Variants in ABL2 observed in about 807,000 individuals in gnomAD.
ABL2 encodes the protein tyrosine-protein kinase ABL2.
Under a neutral mutation model 107.7 loss-of-function variants are expected in ABL2, and 49 were observed. The ratio of observed to expected loss-of-function variants is 0.45; its 90% CI spans 0.36 to 0.58. ABL2 has a LOEUF of 0.58. ABL2 is among the 20% of genes least tolerant of loss of function. The pLI, the probability that ABL2 is intolerant of heterozygous loss-of-function variation, is 0.00. For synonymous variants in ABL2, 549 were observed against 548.6 expected, an observed-to-expected ratio of 1.00 and a Z score of -0.01; for missense variants, 1,245 against 1,457.0, an observed-to-expected ratio of 0.85 and a Z score of 2.37.
intron 3 of ABL2, chr1:179,131,081 CA>C (rs558254639): frequency 1.3e-4 from 37 of 295,294 alleles, no homozygotes; most frequent in African/African-American, 6.2e-4. Context: ...GCTGGGACTA[CA>C]GGCATGGGCT....
chr1:179,158,094 A>G (rs913030203), intron 1 of ABL2, among the ~76,000 whole-genome samples: 1 of 152,240 alleles, frequency 6.6e-6, no homozygotes, highest in Non-Finnish European at 1.5e-5. Flanking sequence ...AGAGTCAAGG[A>G]AAGAATACAA....
chr1:179,112,718 T>A (rs1025736042), intron 9 of ABL2, among the ~76,000 whole-genome samples: 1 of 151,682 alleles, frequency 6.6e-6, no homozygotes, highest in Admixed American at 6.6e-5. Context: ...GCTCCCCAAG[T>A]AGCTGGGACT....
At chr1:179,225,219 C>A (rs1018709831) in intron 1 of ABL2, among the ~76,000 whole-genome samples, 3 of 152,056 alleles carry the variant, frequency 2.0e-5, no homozygotes, top group African/African-American at 7.2e-5. Flanking sequence ...TAAAAAATGA[C>A]CATTTTAGCT....
intron 1 of ABL2, among the ~76,000 whole-genome samples, chr1:179,174,920 A>ATAATAATAAT (rs1553228695): frequency 8.1e-6 from 1 of 122,874 alleles, no homozygotes; most frequent in African/African-American, 3.0e-5. Flanking sequence ...AAAATAAAAA[A>ATAATAATAAT]AATAATAATA....
chr1:179,226,498 G>A (rs371654286), intron 1 of ABL2, among the ~76,000 whole-genome samples: 203 of 151,876 alleles, frequency 1.3e-3, no homozygotes, highest in African/African-American at 4.7e-3. Context: ...TAGTACAGAC[G>A]AGGTTTCACC....
Position 179,133,330 on chromosome 1 carries a change from T to C in ABL2, c.202A>G (p.Thr68Ala). ...CVEDGFEGDK[T>A]GGSSPEALHR... ...CTCTCACCTGGACTACTGCCTCCAG[T>C]CTTGTCTCCCTCAAATCCATCCTCC... Residue 68 changes from threonine to alanine, a missense_variant, in exon 2 of 12, where the codon ACT becomes GCT. This residue lies in a region of ABL2 where 164 missense variants were observed against 143.7 expected (regional missense o/e 1.14). Coordinates refer to ENST00000502732, the MANE Select transcript of ABL2 (RefSeq NM_007314.4). 1 of 1,614,158 alleles carries C rather than the reference T, an allele frequency of 6.2e-7. No homozygotes were observed. The highest frequency in any genetic ancestry group is 1.1e-5 in the South Asian group (1 of 91,072).
rs570607699 is a variant in ABL2, at chr1:179,146,394, T to G, written c.158-13020A>C. The stretch of plus-strand genomic sequence containing the variant: ...TTAACTGTAACTGGGTAGATGGCCA[T>G]GTAATTCACTGAGAAGCAGCAGTAG... On this transcript the variant is annotated intron_variant, in intron 1 of 11. Coordinates refer to ENST00000502732, the MANE Select transcript of ABL2 (RefSeq NM_007314.4). Among the ~76,000 whole-genome samples, 9 of 152,278 alleles carry G rather than the reference T, an allele frequency of 5.9e-5. No homozygotes were observed. The South Asian group carries it at 1.9e-3, about 32-fold the overall frequency.
intron 1 of ABL2, among the ~76,000 whole-genome samples, chr1:179,144,613 G>A (rs1014103064): frequency 2.0e-5 from 3 of 152,150 alleles, no homozygotes; most frequent in African/African-American, 7.2e-5. Flanking sequence ...GACTGAAACA[G>A]CCTTAGAGAA....
intron 1 of ABL2, among the ~76,000 whole-genome samples, chr1:179,167,814 T>G (rs554782529): frequency 3.9e-5 from 6 of 152,290 alleles, no homozygotes; most frequent in African/African-American, 1.4e-4. Flanking sequence ...ACTCAGTCTC[T>G]ACTAAAAAAT....
rs534027820 is a variant in ABL2, at chr1:179,102,636, A to G, written c.*5082T>C. ...GCAAGATGATGAAACTCAAAAATCA[A>G]GAACAAAAATATAGATAACCCTGTC... On this transcript the variant is annotated 3_prime_UTR_variant, in exon 12 of 12. Coordinates refer to ENST00000502732, the MANE Select transcript of ABL2 (RefSeq NM_007314.4). The G allele has an allele frequency of 4.4e-6, 1 of 229,330 alleles. No individual in the cohort carries two copies. Among genetic ancestry groups the G allele is most frequent in the South Asian group, 1.8e-4 (1 of 5,498 alleles). The allele number at this position is 229,330 out of a possible 1,614,324, so 14.2% of individuals were successfully genotyped here.
At chr1:179,155,948 C>T (rs899914944) in intron 1 of ABL2, among the ~76,000 whole-genome samples, 2 of 152,088 alleles carry the variant, frequency 1.3e-5, no homozygotes, top group Non-Finnish European at 2.9e-5. Context: ...TGGCTCACCT[C>T]ACAAACATCT....
intron 7 of ABL2, 83 bp downstream of exon 7, chr1:179,118,504 C>A (rs558594031): frequency 1.4e-6 from 2 of 1,394,846 alleles, no homozygotes; most frequent in Admixed American, 2.1e-5. Flanking sequence ...CTGAAATTTT[C>A]TGGGAAGGTT....
At chr1:179,217,449 A>C (rs1184554841) in intron 1 of ABL2, among the ~76,000 whole-genome samples, 1 of 151,888 alleles carries the variant, frequency 6.6e-6, no homozygotes, top group Non-Finnish European at 1.5e-5. Flanking sequence ...AACATGGTGA[A>C]ACCCCATCTC....
chr1:179,178,907 GA>G (rs1459505745), intron 1 of ABL2, among the ~76,000 whole-genome samples: 4 of 152,020 alleles, frequency 2.6e-5, no homozygotes, highest in Non-Finnish European at 5.9e-5. Flanking sequence ...CCTGTCTCAA[GA>G]AAAGGAAGAA....
At chr1:179,199,658 TA>T (rs780471165) in intron 1 of ABL2, among the ~76,000 whole-genome samples, 5 of 151,934 alleles carry the variant, frequency 3.3e-5, no homozygotes, top group African/African-American at 4.8e-5. Flanking sequence ...AATGAAGAAA[TA>T]ATTAAACAAT....
At chr1:179,175,146 A>C (rs1317523933) in intron 1 of ABL2, among the ~76,000 whole-genome samples, 1 of 152,054 alleles carries the variant, frequency 6.6e-6, no homozygotes, top group African/African-American at 2.4e-5. Flanking sequence ...ATCCTCCCAA[A>C]GTACTAGGAT....
chr1:179,229,421 C>T lies in ABL2; in HGVS notation c.-24G>A, dbSNP rs760601182. 6.7e-7 allele frequency: 1 copy of T among 1,485,288 alleles called. No individual in the cohort carries two copies. Among genetic ancestry groups the T allele is most frequent in the South Asian group, 1.4e-5 (1 of 73,044 alleles). The allele number at this position is 1,485,288 out of a possible 1,614,324, so 92.0% of individuals were successfully genotyped here. The stretch of plus-strand genomic sequence containing the variant: ...ATCCCTGCTCTCGCGTACTCCCGCG[C>T]CCCCGCCGACCCCTGGTCACATTCC... On this transcript the variant is annotated 5_prime_UTR_variant, in exon 1 of 12. Transcript: ENST00000502732.
intron 1 of ABL2, among the ~76,000 whole-genome samples, chr1:179,167,660 T>C (rs893785582): frequency 3.9e-5 from 6 of 152,240 alleles, no homozygotes; most frequent in Non-Finnish European, 7.3e-5. Context: ...TCTATGCATG[T>C]AACAAATAAT....
chr1:179,107,540 G>C lies in ABL2; in HGVS notation c.*178C>G. ...AATTTACCTCTCCTATACTTATGTGGTTTGCTTCTTATTTTTGAGATGAAA... is the reference window on the plus strand; with the variant it reads ...AATTTACCTCTCCTATACTTATGTGCTTTGCTTCTTATTTTTGAGATGAAA... On this transcript the variant is annotated 3_prime_UTR_variant, in exon 12 of 12. Coordinates refer to ENST00000502732, the MANE Select transcript of ABL2 (RefSeq NM_007314.4). 1.5e-6 allele frequency: 2 copies of C among 1,301,612 alleles called. No individual in the cohort carries two copies. Among genetic ancestry groups the C allele is most frequent in the Non-Finnish European group, 2.0e-6 (2 of 981,790 alleles). The allele number at this position is 1,301,612 out of a possible 1,614,324, so 80.6% of individuals were successfully genotyped here. A position where few individuals can be genotyped will look rare whatever the true frequency, so the allele number is the denominator to read the frequency against.
Sources: allele counts gnomAD v4.1 joint callset (sites outside exome capture counted in the v4.1 genomes callset), GRCh38; gene constraint gnomAD v4.1.1; regional missense constraint gnomAD v4.1.1; transcripts MANE v1.5; gene names NCBI Gene and HGNC (gene_info 2026-07-23, HGNC 2026-07-21).